Variants in ACACA observed in about 807,000 individuals in gnomAD.
ACACA encodes the protein acetyl-CoA carboxylase alpha.
In ACACA, 103 loss-of-function variants were observed where a neutral mutation model predicts 296.1. The ratio of observed to expected loss-of-function variants is 0.35; its 90% CI spans 0.30 to 0.41. The LOEUF (loss-of-function observed/expected upper bound fraction) is 0.41. Ranked by LOEUF, ACACA falls within the 10% of genes least tolerant of loss-of-function variation. The pLI is 1.00. For missense variants in ACACA, 1,554 were observed against 2,989.7 expected (o/e 0.52, Z 11.20); for synonymous variants, 953 against 1,038.6 (o/e 0.92, Z 1.58).
At chr17:37,391,743 A>G (rs756655256) in intron 1 of ACACA, 2 of 1,597,526 alleles carry the variant, frequency 1.3e-6, no homozygotes, top group Non-Finnish European at 1.7e-6. Context: ...GCTCTATCTC[A>G]AAGACTGAAT....
At chr17:37,359,684 G>T (rs993202505) in intron 1 of ACACA, among the ~76,000 whole-genome samples, 1 of 152,128 alleles carries the variant, frequency 6.6e-6, no homozygotes, top group African/African-American at 2.4e-5. Flanking sequence ...GTGCGGGCCC[G>T]TTTGTCTGTT....
chr17:37,401,967 T>C lies in ACACA; in HGVS notation c.38+4295A>G, dbSNP rs548909752. Among the ~76,000 whole-genome samples the C allele has an allele frequency of 1.3e-3, 197 of 152,302 alleles. 2 individuals carry two copies. Among genetic ancestry groups the C allele is most frequent in the African/African-American group, 4.6e-3 (190 of 41,574 alleles). On this transcript the variant is annotated intron_variant, in intron 1 of 55. Transcript: ENST00000616317. ...AGCCAGGTTACCAACCCTGACAAGA[T>C]ACAAGTTTTCTTCGTTGGGTTCCTG...
chr17:37,173,598 A>AT (rs1399164472), intron 41 of ACACA, among the ~76,000 whole-genome samples: 1 of 152,010 alleles, frequency 6.6e-6, no homozygotes, highest in Non-Finnish European at 1.5e-5. Flanking sequence ...ATCACTGTGT[A>AT]TTTTTTTATA....
chr17:37,124,735 C>T (rs1365755554), intron 48 of ACACA, among the ~76,000 whole-genome samples: 1 of 152,146 alleles, frequency 6.6e-6, no homozygotes, highest in Non-Finnish European at 1.5e-5. Flanking sequence ...TGACTCCAGG[C>T]CAGAATCCTA....
At chr17:37,168,687 A>G (rs549885052) in intron 41 of ACACA, among the ~76,000 whole-genome samples, 2 of 152,334 alleles carry the variant, frequency 1.3e-5, no homozygotes, top group African/African-American at 2.4e-5. Context: ...CTCACTTTAA[A>G]GAGAAAGAAA....
At chr17:37,326,552 T>C (rs1598496450) in intron 3 of ACACA, among the ~76,000 whole-genome samples, 1 of 144,646 alleles carries the variant, frequency 6.9e-6, no homozygotes. Flanking sequence ...AAAAAAAGGC[T>C]GGGCATGCTG....
At position 37,161,914 on chromosome 17, in the gene ACACA, G is replaced by C; in HGVS notation, c.5216C>G (p.Ala1739Gly). Reference protein sequence around the residue: ...GPQEDLLFLRASELARAEGIP... With the variant: ...GPQEDLLFLRGSELARAEGIP... ...ACCTTCTGCCCTAGCAAGTTCGGAAGCTCTGAGAAATAACAAATCCTCTTG... is the reference window on the plus strand; with the variant it reads ...ACCTTCTGCCCTAGCAAGTTCGGAACCTCTGAGAAATAACAAATCCTCTTG... Residue 1739 changes from alanine to glycine, a missense_variant, in exon 42 of 56, where the codon GCT (alanine) becomes GGT (glycine). Ala to Gly is a moderately conservative substitution (Grantham distance 60). This residue lies in a region of ACACA where 553 missense variants were observed against 1,043.6 expected (regional missense o/e 0.53). Coordinates refer to ENST00000616317, the MANE Select transcript of ACACA (RefSeq NM_198834.3). 3 of 1,614,192 alleles carry C rather than the reference G, an allele frequency of 1.9e-6. No individual in the cohort carries two copies. Among genetic ancestry groups the C allele is most frequent in the African/African-American group, 2.7e-5 (2 of 75,048 alleles).
At chr17:37,403,888 T>C (rs529703167) in intron 1 of ACACA, among the ~76,000 whole-genome samples, 1 of 152,166 alleles carries the variant, frequency 6.6e-6, no homozygotes, top group South Asian at 2.1e-4. Flanking sequence ...AAGCAATTCT[T>C]GCGCCTCCCA....
At chr17:37,127,999 G>A (rs114736397) in intron 47 of ACACA, among the ~76,000 whole-genome samples, 1,604 of 120,308 alleles carry the variant, frequency 0.013, 40 homozygotes, top group African/African-American at 0.046. Flanking sequence ...ACTCCAGCCT[G>A]GAGGACAAGA....
chr17:37,283,049 A>G (rs1176614736), intron 5 of ACACA, among the ~76,000 whole-genome samples: 2 of 152,230 alleles, frequency 1.3e-5, no homozygotes, highest in Non-Finnish European at 2.9e-5. Context: ...CTTCCTACTT[A>G]TCCCTAGGAC....
intron 33 of ACACA, among the ~76,000 whole-genome samples, chr17:37,204,046 C>A (rs191751788): frequency 6.6e-6 from 1 of 152,258 alleles, no homozygotes; most frequent in Admixed American, 6.5e-5. Flanking sequence ...CTACCATTGG[C>A]ATTACATGAT....
At chr17:37,180,549 T>A (rs1393460102) in intron 40 of ACACA, among the ~76,000 whole-genome samples, 1 of 152,230 alleles carries the variant, frequency 6.6e-6, no homozygotes, top group Non-Finnish European at 1.5e-5. Flanking sequence ...CATTTTCTAC[T>A]GGTGATACAC....
At position 37,311,441 on chromosome 17, in the gene ACACA, C is replaced by G. The variant is rs115208396; in HGVS notation, c.338+18732G>C. On this transcript the variant is annotated intron_variant, in intron 3 of 55. Coordinates refer to ENST00000616317, the MANE Select transcript of ACACA (RefSeq NM_198834.3). Reference sequence around the variant, plus strand: ...ACACACACACAAATACACACACACACATACATACATATGCATGAAGAAAAA... The same window carrying G: ...ACACACACACAAATACACACACACAGATACATACATATGCATGAAGAAAAA... 9.5e-3 allele frequency among the ~76,000 whole-genome samples: 1,451 copies of G among 152,092 alleles called. 21 individuals carry two copies. Among genetic ancestry groups the G allele is most frequent in the African/African-American group, 0.033 (1,380 of 41,476 alleles).
At chr17:37,136,148 CAT>C (rs1415278900) in intron 45 of ACACA, among the ~76,000 whole-genome samples, 2 of 151,986 alleles carry the variant, frequency 1.3e-5, no homozygotes, top group Non-Finnish European at 2.9e-5. Flanking sequence ...TTTTAATACA[CAT>C]AGTCATATAA....
At chr17:37,116,549 C>G (rs567540720) in intron 50 of ACACA, among the ~76,000 whole-genome samples, 1 of 152,298 alleles carries the variant, frequency 6.6e-6, no homozygotes, top group South Asian at 2.1e-4. Flanking sequence ...AAAGGAGCAT[C>G]AGGGTTTGTT....
intron 45 of ACACA, among the ~76,000 whole-genome samples, chr17:37,140,145 C>T (rs1288084295): frequency 6.6e-6 from 1 of 152,164 alleles, no homozygotes; most frequent in African/African-American, 2.4e-5. Flanking sequence ...GCAATGGTGT[C>T]ACAGAGGAGA....
intron 3 of ACACA, among the ~76,000 whole-genome samples, chr17:37,303,852 C>T (rs77703003): frequency 0.12 from 18,353 of 151,910 alleles, 1,719 homozygotes; most frequent in East Asian, 0.45. Flanking sequence ...AGCGAGACTC[C>T]GTCTCAAAAA....
At chr17:37,373,397 G>C (rs996808165) in intron 1 of ACACA, among the ~76,000 whole-genome samples, 1 of 152,018 alleles carries the variant, frequency 6.6e-6, no homozygotes, top group African/African-American at 2.4e-5. Flanking sequence ...AGAGACATGC[G>C]CTACCACTCC....
chr17:37,379,071 C>CA (rs34928391), intron 1 of ACACA: 2 of 1,519,520 alleles, frequency 1.3e-6, no homozygotes, highest in Admixed American at 2.2e-5. Context: ...GGCACCGTCT[C>CA]AAAAAAACCA....
Sources: allele counts gnomAD v4.1 joint callset (sites outside exome capture counted in the v4.1 genomes callset), GRCh38; gene constraint gnomAD v4.1.1; regional missense constraint gnomAD v4.1.1; transcripts MANE v1.5; gene names NCBI Gene and HGNC (gene_info 2026-07-23, HGNC 2026-07-21).